CSMD1: variants seen among roughly 807,000 people sequenced by gnomAD.
The protein encoded by CSMD1 is CUB and Sushi multiple domains 1.
Under a neutral mutation model 417.5 loss-of-function variants are expected in CSMD1, and 213 were observed. The ratio of observed to expected loss-of-function variants is 0.51; its 90% confidence interval spans 0.46 to 0.57. The LOEUF (loss-of-function observed/expected upper bound fraction) is 0.57. Among genes scored for constraint, CSMD1 ranks in the 20% least tolerant of loss-of-function variants. CSMD1 has a pLI of 0.00. For missense variants in CSMD1, 6,923 were observed against 4,529.7 expected, an observed-to-expected ratio of 1.53 and a Z score of -15.17; for synonymous variants, 2,862 against 1,736.8, an observed-to-expected ratio of 1.65 and a Z score of -16.11.
At chr8:3,215,608 C>G (rs1277428341) in intron 29 of CSMD1, among the ~76,000 whole-genome samples, 1 of 152,194 alleles carries the variant, frequency 6.6e-6, no homozygotes, top group Non-Finnish European at 1.5e-5. Flanking sequence ...TTCTTCTTCC[C>G]AAGTAAAAAT....
chr8:3,228,319 T>C (rs376744226), intron 27 of CSMD1, among the ~76,000 whole-genome samples: 3 of 152,244 alleles, frequency 2.0e-5, no homozygotes, highest in African/African-American at 7.2e-5. Flanking sequence ...CATGCCCTAA[T>C]GGGCAAGCTT....
rs151275693 is a variant in CSMD1 at position 3,445,147 on chromosome 8, T to G, written c.1561+23565A>C. ...TAAACTAATATACTTACAACCTACA[T>G]CAAACAATCACAATCATAACACAGT... On this transcript the variant is annotated intron_variant, in intron 12 of 69. Coordinates refer to ENST00000635120, the MANE Select transcript of CSMD1 (RefSeq NM_033225.6). Among the ~76,000 whole-genome samples, 194 of 152,302 alleles carry G rather than the reference T, an allele frequency of 1.3e-3. 1 individual carries two copies. Among genetic ancestry groups the G allele is most frequent in the African/African-American group, 4.4e-3 (184 of 41,570 alleles).
rs143453850 is a variant in CSMD1 at position 4,285,791 on chromosome 8, T to G, written c.415+134162A>C. On this transcript the variant is annotated intron_variant, in intron 3 of 69. Transcript: ENST00000635120. ...GTTAAGACATGCAGGCTCTGCTTCT[T>G]CTCCAGGTGTCCCTCTAATTTCACA... Among the ~76,000 whole-genome samples, 26 of 152,280 alleles carry G rather than the reference T, an allele frequency of 1.7e-4. No individual in the cohort carries two copies. The East Asian group carries it at 4.6e-3, about 27-fold the overall frequency.
intron 52 of CSMD1, among the ~76,000 whole-genome samples, chr8:3,012,298 C>A (rs561089057): frequency 6.6e-6 from 1 of 152,294 alleles, no homozygotes; most frequent in Non-Finnish European, 1.5e-5. Flanking sequence ...TGTAGAAAAT[C>A]ATCTTTTCTT....
At chr8:3,374,405 G>T (rs77589150) in intron 18 of CSMD1, among the ~76,000 whole-genome samples, 1 of 152,156 alleles carries the variant, frequency 6.6e-6, no homozygotes, top group Non-Finnish European at 1.5e-5. Context: ...CAATGAATAA[G>T]ACAGAAAAGT....
chr8:4,214,771 T>C (rs962032467), intron 3 of CSMD1, among the ~76,000 whole-genome samples: 5 of 152,156 alleles, frequency 3.3e-5, no homozygotes, highest in Non-Finnish European at 5.9e-5. Flanking sequence ...CTAAATGCTG[T>C]GATGCACATT....
intron 40 of CSMD1, among the ~76,000 whole-genome samples, chr8:3,150,294 T>C (rs548237677): frequency 9.9e-5 from 15 of 152,242 alleles, no homozygotes; most frequent in Non-Finnish European, 1.2e-4. Flanking sequence ...CACTGGGAGG[T>C]GACGGACTCC....
At chr8:4,382,318 T>C (rs1429155408) in intron 3 of CSMD1, among the ~76,000 whole-genome samples, 5 of 152,238 alleles carry the variant, frequency 3.3e-5, no homozygotes, top group African/African-American at 4.8e-5. Flanking sequence ...AGGAGTTATA[T>C]GTGCACTTTC....
intron 9 of CSMD1, among the ~76,000 whole-genome samples, chr8:3,578,907 T>C (rs1800264136): frequency 6.6e-6 from 1 of 152,212 alleles, no homozygotes; most frequent in African/African-American, 2.4e-5. Context: ...AAGATCTCTC[T>C]CCGTAAGTTG....
chr8:4,306,958 G>A (rs1328011981), intron 3 of CSMD1, among the ~76,000 whole-genome samples: 1 of 152,050 alleles, frequency 6.6e-6, no homozygotes, highest in Non-Finnish European at 1.5e-5. Flanking sequence ...CTACCCCCAA[G>A]CATCTCTCAG....
chr8:3,823,263 T>C (rs1801844827), intron 5 of CSMD1, among the ~76,000 whole-genome samples: 1 of 152,156 alleles, frequency 6.6e-6, no homozygotes. Flanking sequence ...TCAAAGTAAT[T>C]CAGTTTTGCC....
chr8:4,666,454 G>A (rs1441468575), intron 1 of CSMD1, among the ~76,000 whole-genome samples: 1 of 152,078 alleles, frequency 6.6e-6, no homozygotes, highest in Non-Finnish European at 1.5e-5. Flanking sequence ...AGCAATGTGG[G>A]CAGCCTCTAG....
intron 1 of CSMD1, among the ~76,000 whole-genome samples, chr8:4,894,507 C>T (rs9314549): frequency 0.41 from 62,005 of 149,874 alleles, 13,169 homozygotes; most frequent in Middle Eastern, 0.53. Context: ...GAGCCGAGAT[C>T]GCACCATCGC....
chr8:3,957,253 G>C (rs2129942612), intron 5 of CSMD1, among the ~76,000 whole-genome samples: 1 of 152,308 alleles, frequency 6.6e-6, no homozygotes, highest in South Asian at 2.1e-4. Context: ...TTGTGTGTAG[G>C]TTTCACTATC....
intron 5 of CSMD1, among the ~76,000 whole-genome samples, chr8:3,966,765 G>GCA (rs926761750): frequency 7.9e-4 from 104 of 131,130 alleles, no homozygotes; most frequent in African/African-American, 2.8e-3. Flanking sequence ...GCGCGCGCGC[G>GCA]CACACACACT....
In CSMD1 at chr8:3,502,830, G is replaced by A. The variant is rs559585419; in HGVS notation, c.1345-9104C>T. On this transcript the variant is annotated intron_variant, in intron 10 of 69. Coordinates refer to ENST00000635120, the MANE Select transcript of CSMD1 (RefSeq NM_033225.6). The stretch of plus-strand genomic sequence containing the variant: ...CAAATCCACAGAGTAAATAGCAGCC[G>A]GAGTGAGCCCTAACGTGCACTATGG... Among the ~76,000 whole-genome samples the A allele has an allele frequency of 1.1e-3, 168 of 152,182 alleles. 1 individual carries two copies. The highest frequency in any genetic ancestry group is 3.6e-3 in the African/African-American group (151 of 41,518).
chr8:3,535,433 G>T (rs762223271), intron 10 of CSMD1, among the ~76,000 whole-genome samples: 1 of 152,056 alleles, frequency 6.6e-6, no homozygotes, highest in Non-Finnish European at 1.5e-5. Context: ...TCTTCCCTCC[G>T]GTTCCATCCA....
At chr8:4,467,122 T>TAAAAAA (rs35481238) in intron 2 of CSMD1, among the ~76,000 whole-genome samples, 4 of 86,236 alleles carry the variant, frequency 4.6e-5, no homozygotes, top group Non-Finnish European at 7.0e-5. Context: ...TTCTTCAGAG[T>TAAAAAA]AAAAAAAAAA....
chr8:3,478,421 T>C (rs974150823), intron 11 of CSMD1, among the ~76,000 whole-genome samples: 26 of 152,190 alleles, frequency 1.7e-4, no homozygotes, highest in African/African-American at 6.3e-4. Flanking sequence ...CCTCATGACA[T>C]GCAGATCCTT....
Sources: gnomAD v4.1 joint callset for allele counts (sites outside exome capture counted in the v4.1 genomes callset) on GRCh38, gnomAD v4.1.1 for gene constraint, MANE v1.5 for transcripts, NCBI Gene and HGNC (gene_info 2026-07-23, HGNC 2026-07-21) for gene names.